Variants in LRRTM4 observed in about 807,000 individuals in gnomAD.
The protein encoded by LRRTM4 is leucine rich repeat transmembrane neuronal 4.
In LRRTM4, 25 loss-of-function variants were observed where a neutral mutation model predicts 47.6. The observed-to-expected ratio is 0.53, with a 90% CI of 0.38 to 0.73. The LOEUF (loss-of-function observed/expected upper bound fraction) is 0.73. LRRTM4 is among the 30% of genes least tolerant of loss of function. LRRTM4 has a pLI of 0.00. For synonymous variants in LRRTM4, 311 were observed against 269.5 expected (o/e 1.15, Z -1.51); for missense variants, 638 against 713.4 (o/e 0.89, Z 1.20).
chr2:76,797,282 C>T (rs1444135024), intron 3 of LRRTM4, among the ~76,000 whole-genome samples: 3 of 152,048 alleles, frequency 2.0e-5, no homozygotes, highest in Non-Finnish European at 4.4e-5. Flanking sequence ...AGAAACCCTA[C>T]AAGCCAGAAG....
intron 3 of LRRTM4, among the ~76,000 whole-genome samples, chr2:77,306,610 T>C (rs966794678): frequency 1.1e-4 from 16 of 152,116 alleles, no homozygotes; most frequent in African/African-American, 3.1e-4. Context: ...TGAGACCAAT[T>C]AGTGATAAAG....
intron 3 of LRRTM4, among the ~76,000 whole-genome samples, chr2:77,329,681 C>T (rs1670899519): frequency 1.3e-5 from 2 of 152,096 alleles, no homozygotes; most frequent in Non-Finnish European, 2.9e-5. Flanking sequence ...ACATGTCGCA[C>T]ATGGACCACA....
intron 3 of LRRTM4, among the ~76,000 whole-genome samples, chr2:77,134,574 C>CT (rs1671883174): frequency 6.6e-6 from 1 of 152,166 alleles, no homozygotes; most frequent in Non-Finnish European, 1.5e-5. Flanking sequence ...TTTCACATGA[C>CT]TATGTCTGAT....
intron 3 of LRRTM4, among the ~76,000 whole-genome samples, chr2:76,812,065 C>T (rs1427884489): frequency 2.6e-5 from 4 of 152,078 alleles, no homozygotes. Context: ...ATTAAAATAA[C>T]TTATACTCCT....
At chr2:77,302,057 T>C (rs1677145343) in intron 3 of LRRTM4, among the ~76,000 whole-genome samples, 1 of 152,164 alleles carries the variant, frequency 6.6e-6, no homozygotes, top group African/African-American at 2.4e-5. Flanking sequence ...AAAAGAGAGC[T>C]AAGCAGAAAT....
intron 3 of LRRTM4, among the ~76,000 whole-genome samples, chr2:77,333,258 A>C (rs371924698): frequency 7.2e-5 from 11 of 152,290 alleles, no homozygotes; most frequent in Non-Finnish European, 1.0e-4. Context: ...GGGTTCTTCT[A>C]TACCCAAAAA....
chr2:77,192,634 T>C (rs532936358), intron 3 of LRRTM4, among the ~76,000 whole-genome samples: 1 of 152,030 alleles, frequency 6.6e-6, no homozygotes, highest in East Asian at 1.9e-4. Flanking sequence ...CTGCACAATT[T>C]CCAAATTAAT....
intron 3 of LRRTM4, among the ~76,000 whole-genome samples, chr2:77,460,777 A>G (rs1026430105): frequency 1.3e-5 from 2 of 151,710 alleles, no homozygotes; most frequent in African/African-American, 2.4e-5. Flanking sequence ...GTTTTAAAAC[A>G]AAAGGTAAGG....
chr2:77,457,849 C>T (rs75931691), intron 3 of LRRTM4, among the ~76,000 whole-genome samples: 5,301 of 152,146 alleles, frequency 0.035, 208 homozygotes, highest in East Asian at 0.14. Context: ...ATCATCATGC[C>T]TCAGCTCAAA....
chr2:76,970,627 T>G (rs1676187046), intron 3 of LRRTM4, among the ~76,000 whole-genome samples: 1 of 152,064 alleles, frequency 6.6e-6, no homozygotes, highest in Non-Finnish European at 1.5e-5. Flanking sequence ...TTGCGATTTC[T>G]CACAAAAGGA....
At chr2:76,973,954 T>A (rs1676309026) in intron 3 of LRRTM4, among the ~76,000 whole-genome samples, 1 of 151,654 alleles carries the variant, frequency 6.6e-6, no homozygotes, top group Non-Finnish European at 1.5e-5. Context: ...CAGAAACAAA[T>A]GCCTGTCATT....
At chr2:77,404,453 C>T (rs1674086992) in intron 3 of LRRTM4, among the ~76,000 whole-genome samples, 1 of 151,900 alleles carries the variant, frequency 6.6e-6, no homozygotes. Context: ...TTAAGTCTTT[C>T]TCTGTTGGGC....
chr2:76,756,701 ATGC>A (rs1395688679), intron 3 of LRRTM4, among the ~76,000 whole-genome samples: 4 of 152,106 alleles, frequency 2.6e-5, no homozygotes, highest in African/African-American at 9.7e-5. Flanking sequence ...ATGGAGGCCC[ATGC>A]AATCTCTGAG....
intron 3 of LRRTM4, among the ~76,000 whole-genome samples, chr2:77,121,475 C>T (rs989687921): frequency 3.3e-5 from 5 of 151,706 alleles, no homozygotes; most frequent in Admixed American, 6.6e-5. Context: ...TTTAAAAACA[C>T]ATATCTAAAA....
chr2:77,251,750 A>T (rs1366854140), intron 3 of LRRTM4, among the ~76,000 whole-genome samples: 1 of 152,134 alleles, frequency 6.6e-6, no homozygotes, highest in Non-Finnish European at 1.5e-5. Context: ...GCACTCACCC[A>T]CTATACTCTG....
intron 3 of LRRTM4, among the ~76,000 whole-genome samples, chr2:77,305,282 C>T (rs1381540379): frequency 1.3e-5 from 2 of 151,758 alleles, no homozygotes; most frequent in African/African-American, 2.4e-5. Context: ...AACACAAATC[C>T]TATACGCTGT....
chr2:76,940,884 T>G (rs1201620015), intron 3 of LRRTM4, among the ~76,000 whole-genome samples: 1 of 152,190 alleles, frequency 6.6e-6, no homozygotes. Context: ...CTCTCTCTTT[T>G]CTTTGTTTTG....
At chr2:76,978,775 T>G (rs1004463616) in intron 3 of LRRTM4, among the ~76,000 whole-genome samples, 3 of 151,972 alleles carry the variant, frequency 2.0e-5, no homozygotes. Context: ...AGCAAAAGGT[T>G]AAATGGGAAA....
intron 3 of LRRTM4, among the ~76,000 whole-genome samples, chr2:77,087,426 A>T (rs1680754886): frequency 6.6e-6 from 1 of 152,234 alleles, no homozygotes; most frequent in Non-Finnish European, 1.5e-5. Flanking sequence ...GTGGACCAGG[A>T]AAAAATGCCA....
Sources: allele counts gnomAD v4.1 joint callset (sites outside exome capture counted in the v4.1 genomes callset), GRCh38; gene constraint gnomAD v4.1.1; transcripts MANE v1.5; gene names NCBI Gene and HGNC (gene_info 2026-07-23, HGNC 2026-07-21).